The following SCP2 variants were observed in gnomAD, a reference collection of about 807,000 sequenced individuals.
SCP2 encodes the protein SCP-2/3-oxoacyl-CoA thiolase.
A neutral mutation model predicts 71.4 loss-of-function variants in SCP2; 48 were observed. That is an observed-to-expected ratio of 0.67 (90% CI 0.53 to 0.86). The LOEUF is 0.86. SCP2 is among the 40% of genes least tolerant of loss of function. The probability of loss-of-function intolerance (pLI) is 0.00; values close to 1 mark genes in which losing one functional copy is unlikely to be tolerated. For missense variants in SCP2, 560 were observed against 655.6 expected (o/e 0.85, Z 1.59); for synonymous variants, 220 against 218.1 (o/e 1.01, Z -0.08).
At position 52,945,149 on chromosome 1, in the gene SCP2, A is replaced by G. The variant is rs1209484233; in HGVS notation, c.128-2860A>G. 2.0e-4 allele frequency among the ~76,000 whole-genome samples: 30 copies of G among 152,066 alleles called. 1 individual carries two copies. Among genetic ancestry groups the G allele is most frequent in the Admixed American group, 2.0e-3 (30 of 15,260 alleles). Reference sequence around the variant, plus strand: ...ATTTTAGCATTTTTCCCCTATGGCTATATGGGATCACATTTGTAGTTTTGT... The same window carrying G: ...ATTTTAGCATTTTTCCCCTATGGCTGTATGGGATCACATTTGTAGTTTTGT... On this transcript the variant is annotated intron_variant, in intron 2 of 15. Transcript: ENST00000371514.
At chr1:53,041,381 G>A (rs1172945159) in intron 14 of SCP2, among the ~76,000 whole-genome samples, 4 of 150,846 alleles carry the variant, frequency 2.7e-5, no homozygotes, top group Non-Finnish European at 4.4e-5. Context: ...CAGCCTGGGC[G>A]GCAGAGCAAG....
At chr1:52,942,332 T>C (rs992530267) in intron 2 of SCP2, among the ~76,000 whole-genome samples, 2 of 152,180 alleles carry the variant, frequency 1.3e-5, no homozygotes, top group Admixed American at 1.3e-4. Flanking sequence ...ATGCAGTTTG[T>C]TACTGTTTAT....
At position 52,987,968 on chromosome 1, in the gene SCP2, A is replaced by G. The variant is rs7528565; in HGVS notation, c.974-61A>G. Reference sequence around the variant, plus strand: ...CTTGGCTATATGGAAATCTTATAAAAGCATATCATTTGTTCTATTGTTACT... The same window carrying G: ...CTTGGCTATATGGAAATCTTATAAAGGCATATCATTTGTTCTATTGTTACT... On this transcript the variant is annotated intron_variant, in intron 10 of 15. Coordinates refer to ENST00000371514, the MANE Select transcript of SCP2 (RefSeq NM_002979.5). 0.19 allele frequency: 168,285 copies of G among 885,074 alleles called. 27,144 individuals carry two copies. The highest frequency in any genetic ancestry group is 0.69 in the African/African-American group (40,943 of 59,048). The allele number at this position is 885,074 out of a possible 1,614,324, so 54.8% of individuals were successfully genotyped here.
chr1:52,993,316 A>G (rs1659669012), intron 11 of SCP2: 1 of 1,614,170 alleles, frequency 6.2e-7, no homozygotes, highest in African/African-American at 1.3e-5. Flanking sequence ...GGAAAGCTTG[A>G]TCTACATTCA....
At chr1:52,953,826 CAAA>C (rs59323328) in intron 4 of SCP2, among the ~76,000 whole-genome samples, 11 of 97,696 alleles carry the variant, frequency 1.1e-4, no homozygotes, top group Non-Finnish European at 9.3e-5. Flanking sequence ...CCATCTTTAC[CAAA>C]AAAAAAAAAA....
intron 5 of SCP2, among the ~76,000 whole-genome samples, 198 bp downstream of exon 5, chr1:52,955,002 T>C (rs1172058602): frequency 6.6e-6 from 1 of 152,208 alleles, no homozygotes; most frequent in East Asian, 1.9e-4. Context: ...GAAGTTGACT[T>C]ATCTATTTAA....
chr1:52,990,349 C>T (rs1280512272), intron 11 of SCP2, among the ~76,000 whole-genome samples: 1 of 151,836 alleles, frequency 6.6e-6, no homozygotes, highest in African/African-American at 2.4e-5. Flanking sequence ...AGAGACTATC[C>T]CTGAGGAAGC....
Position 52,974,621 on chromosome 1 carries a change from G to A in SCP2, c.524-148G>A. 3 of 654,010 alleles carry A rather than the reference G, an allele frequency of 4.6e-6. No homozygotes were observed. In the Admixed American group the frequency reaches 8.0e-5, roughly 17 times the overall value. The allele number at this position is 654,010 out of a possible 1,614,324, so 40.5% of individuals were successfully genotyped here. ...TAATTATAAATAAAAATTTTTTGAG[G>A]GAACAGTGCTGAAGTCTTTAATACT... On this transcript the variant is annotated intron_variant, in intron 6 of 15. Coordinates refer to ENST00000371514, the MANE Select transcript of SCP2 (RefSeq NM_002979.5).
intron 14 of SCP2, among the ~76,000 whole-genome samples, chr1:53,045,575 T>TA (rs1397068646): frequency 6.6e-6 from 1 of 152,222 alleles, no homozygotes; most frequent in African/African-American, 2.4e-5. Context: ...GGCTAGGTGA[T>TA]AAAGTGCAGG....
chr1:53,048,090 G>A, intron 15 of SCP2, 153 bp downstream of exon 15: 2 of 673,466 alleles, frequency 3.0e-6, no homozygotes, highest in East Asian at 5.8e-5. Context: ...AGCAAGCTGT[G>A]TGCCACACAC....
chr1:53,010,915 C>A (rs1291683599), intron 11 of SCP2, among the ~76,000 whole-genome samples: 1 of 152,180 alleles, frequency 6.6e-6, no homozygotes, highest in African/African-American at 2.4e-5. Context: ...AATCCCACCA[C>A]CTTTTGCTGA....
chr1:53,004,226 A>C (rs1267271489), intron 11 of SCP2, among the ~76,000 whole-genome samples: 3 of 152,154 alleles, frequency 2.0e-5, no homozygotes, highest in Non-Finnish European at 4.4e-5. Flanking sequence ...AAAACTTATG[A>C]ATTGTTTATT....
chr1:53,050,611 C>G lies in SCP2; in HGVS notation c.1551C>G (p.Ala517=), dbSNP rs1664143405. The G allele has an allele frequency of 9.9e-6, 16 of 1,610,022 alleles. No individual in the cohort carries two copies. Among genetic ancestry groups the G allele is most frequent in the Non-Finnish European group, 1.4e-5 (16 of 1,176,534 alleles). Residue 517 remains alanine (A), a splice_region_variant and synonymous_variant, in exon 16 of 16, where the codon GCC becomes GCG. Transcript: ENST00000371514. ...TGAATTTTCTTTCTTCTTCACAGGC[C>G]TTCTTTCAAGGCAAATTGAAAATCA... ...LMTGKMNPQS[A]FFQGKLKITG...
chr1:52,980,881 A>T (rs377722678), intron 10 of SCP2, among the ~76,000 whole-genome samples: 1 of 152,128 alleles, frequency 6.6e-6, no homozygotes, highest in Non-Finnish European at 1.5e-5. Context: ...ATTTATGTTA[A>T]TTTATTTAAA....
chr1:53,003,121 C>T (rs58844750), intron 11 of SCP2, among the ~76,000 whole-genome samples: 20,883 of 152,140 alleles, frequency 0.14, 2,048 homozygotes, highest in East Asian at 0.32. Context: ...TCTATCTGTG[C>T]CAGGACAAAT....
chr1:52,969,141 A>G (rs1657231116), intron 6 of SCP2, among the ~76,000 whole-genome samples: 1 of 151,200 alleles, frequency 6.6e-6, no homozygotes, highest in African/African-American at 2.4e-5. Flanking sequence ...CAGAAGAGGC[A>G]GGCATACTTG....
intron 11 of SCP2, among the ~76,000 whole-genome samples, chr1:53,002,964 A>G (rs1038865329): frequency 1.9e-4 from 29 of 152,196 alleles, no homozygotes; most frequent in African/African-American, 6.0e-4. Context: ...AAAAGCCAGC[A>G]AGTCAGTAAG....
chr1:52,938,790 G>A (rs1653962031), intron 1 of SCP2, among the ~76,000 whole-genome samples: 1 of 152,108 alleles, frequency 6.6e-6, no homozygotes, highest in African/African-American at 2.4e-5. Context: ...AACATACATT[G>A]ACACATCATT....
chr1:52,931,997 AC>A (rs1653197557), intron 1 of SCP2, among the ~76,000 whole-genome samples: 1 of 152,190 alleles, frequency 6.6e-6, no homozygotes, highest in Non-Finnish European at 1.5e-5. Context: ...TTTGACCAAA[AC>A]AAAATATTCA....
Sources: gnomAD v4.1 joint callset for allele counts (sites outside exome capture counted in the v4.1 genomes callset) on GRCh38, gnomAD v4.1.1 for gene constraint, MANE v1.5 for transcripts, NCBI Gene and HGNC (gene_info 2026-07-23, HGNC 2026-07-21) for gene names.